Variants in PRMT8 observed in about 807,000 individuals in gnomAD.
The protein encoded by PRMT8 is protein arginine methyltransferase 8.
In PRMT8, 7 loss-of-function variants were observed where a neutral mutation model predicts 47.1. The ratio of observed to expected loss-of-function variants is 0.15; its 90% CI spans 0.08 to 0.28. The LOEUF (loss-of-function observed/expected upper bound fraction) is 0.28. Among genes scored for constraint, PRMT8 ranks in the 10% least tolerant of loss-of-function variants. The probability of loss-of-function intolerance (pLI) is 1.00; values close to 1 mark genes in which losing one functional copy is unlikely to be tolerated. For missense variants in PRMT8, 237 were observed against 505.4 expected (o/e 0.47, Z 5.09); for synonymous variants, 188 against 186.5 (o/e 1.01, Z -0.07).
intron 1 of PRMT8, among the ~76,000 whole-genome samples, chr12:3,393,168 G>C (rs1347689923): frequency 1.3e-5 from 2 of 152,118 alleles, no homozygotes; most frequent in Non-Finnish European, 2.9e-5. Context: ...TAGGTTGCCT[G>C]TTCACTCTGA....
intron 1 of PRMT8, among the ~76,000 whole-genome samples, chr12:3,392,117 G>A (rs1169272764): frequency 6.6e-6 from 1 of 152,240 alleles, no homozygotes; most frequent in East Asian, 1.9e-4. Context: ...TGGCATCAGA[G>A]GCCAGAATTA....
chr12:3,497,822 C>T (rs1299193359), intron 1 of PRMT8, among the ~76,000 whole-genome samples: 6 of 152,110 alleles, frequency 3.9e-5, no homozygotes, highest in South Asian at 4.1e-4. Context: ...GCTTGATGTG[C>T]GTATTTTCAT....
At position 3,491,293 on chromosome 12, in the gene PRMT8, A is replaced by C. The variant is rs2137110065; in HGVS notation, c.-333A>C. 1 of 1,126,048 alleles carries C rather than the reference A, an allele frequency of 8.9e-7. No individual in the cohort carries two copies. The highest frequency in any genetic ancestry group is 1.1e-6 in the Non-Finnish European group (1 of 918,376). 69.8% of individuals were successfully genotyped at this position (1,126,048 alleles called of 1,614,324 possible). ...GCGAGCAGCCTGGAGAGGATCCGCG[A>C]CCGCCGCCGCCGCCGCCGCGGAGGC... On this transcript the variant is annotated 5_prime_UTR_variant, in exon 1 of 10. Coordinates refer to ENST00000382622, the MANE Select transcript of PRMT8 (RefSeq NM_019854.5).
At chr12:3,478,990 G>C (rs1026231242) in intron 1 of PRMT8, among the ~76,000 whole-genome samples, 1 of 152,232 alleles carries the variant, frequency 6.6e-6, no homozygotes, top group Non-Finnish European at 1.5e-5. Context: ...AAGCTTCCTG[G>C]GTAGGTGTGA....
At chr12:3,487,877 C>T (rs936740093), upstream of PRMT8, among the ~76,000 whole-genome samples, 2 of 152,092 alleles carry the variant, frequency 1.3e-5, no homozygotes, top group African/African-American at 4.8e-5. Context: ...CATCACTGTC[C>T]CTTAGAATTA....
chr12:3,536,947 T>C (rs1866128338), intron 1 of PRMT8, among the ~76,000 whole-genome samples: 1 of 152,246 alleles, frequency 6.6e-6, no homozygotes, highest in Non-Finnish European at 1.5e-5. Flanking sequence ...CTTTTGTCAC[T>C]AAGGACAGCA....
intron 1 of PRMT8, among the ~76,000 whole-genome samples, chr12:3,402,159 C>T (rs1864324519): frequency 6.6e-6 from 1 of 152,126 alleles, no homozygotes. Context: ...GAATAGAGAT[C>T]TCAGAAATAA....
chr12:3,576,909 C>T lies in PRMT8; in HGVS notation c.751C>T (p.Arg251Trp). The change falls in exon 7 of 10, where the codon CGG becomes TGG. Residue 251 changes from arginine to tryptophan, a missense_variant. Transcript: ENST00000382622. This position sits in a 1 kb window ranked among gnomAD's most constrained non-coding sequence, Gnocchi z 4.0. The part of the protein sequence containing the change: ...NVYGFDMTCI[R>W]DVAMKEPLVD... ...CTATGGCTTTGACATGACCTGCATC[C>T]GGGACGTGGCCATGAAGGAGCCTCT... 6.2e-7 allele frequency: 1 copy of T among 1,614,118 alleles called. No individual in the cohort carries two copies. Among genetic ancestry groups the T allele is most frequent in the Non-Finnish European group, 8.5e-7 (1 of 1,180,010 alleles).
chr12:3,469,695 G>A (rs1390059380), intron 1 of PRMT8, among the ~76,000 whole-genome samples: 1 of 152,164 alleles, frequency 6.6e-6, no homozygotes, highest in Non-Finnish European at 1.5e-5. Context: ...TTAAAAGGGT[G>A]ATTTTTATGA....
chr12:3,452,599 T>C (rs1864931661), intron 1 of PRMT8, among the ~76,000 whole-genome samples: 1 of 152,208 alleles, frequency 6.6e-6, no homozygotes, highest in Admixed American at 6.5e-5. Flanking sequence ...TTGTGGTAAC[T>C]AACAGCCTCA....
At chr12:3,475,860 C>T (rs765310916) in intron 1 of PRMT8, among the ~76,000 whole-genome samples, 1 of 152,212 alleles carries the variant, frequency 6.6e-6, no homozygotes, top group Non-Finnish European at 1.5e-5. Flanking sequence ...TCTTCTACAT[C>T]CTGTGGGTGT....
At position 3,468,342 on chromosome 12, in the gene PRMT8, T is replaced by TCGGCCAGGAGGAGGAGGAGGAGGA. The variant is rs1865124553; in HGVS notation, c.49-72264_49-72263insCGGCCAGGAGGAGGAGGAGGAGGA. On this transcript the variant is annotated intron_variant, in intron 1 of 9. Transcript: ENST00000452611. Reference sequence around the variant, plus strand: ...CCATCGGCCAGGAGGAGGAGATGTTTGATAGTTCTGCGATGTGCACAGAGA... The same window carrying TCGGCCAGGAGGAGGAGGAGGAGGA: ...CCATCGGCCAGGAGGAGGAGATGTTTCGGCCAGGAGGAGGAGGAGGAGGAGATAGTTCTGCGATGTGCACAGAGA... Among the ~76,000 whole-genome samples the TCGGCCAGGAGGAGGAGGAGGAGGA allele has an allele frequency of 2.0e-5, 3 of 152,336 alleles. No individual in the cohort carries two copies. In the East Asian group the frequency reaches 5.8e-4, roughly 29 times the overall value.
At chr12:3,526,392 T>C (rs1376001317) in intron 1 of PRMT8, among the ~76,000 whole-genome samples, 3 of 152,214 alleles carry the variant, frequency 2.0e-5, no homozygotes, top group African/African-American at 7.2e-5. Flanking sequence ...AATGGAATTA[T>C]GGGATCACAT....
intron 5 of PRMT8, 23 bp downstream of exon 5, chr12:3,568,871 C>T (rs1411861612): frequency 1.9e-6 from 3 of 1,613,158 alleles, no homozygotes; most frequent in Non-Finnish European, 2.5e-6. Flanking sequence ...CATGCTGTCC[C>T]CGCGTTGGCC....
At position 3,527,941 on chromosome 12, in the gene PRMT8, T is replaced by G. The variant is rs559773774; in HGVS notation, c.76-12665T>G. ...ATTCTAAGTTGACAGTTTTTTCTTT[T>G]ATCTTTTTGGTCCTCTGAAGATGTT... On this transcript the variant is annotated intron_variant, in intron 1 of 9. Transcript: ENST00000382622. Among the ~76,000 whole-genome samples the G allele has an allele frequency of 2.4e-4, 36 of 152,316 alleles. No homozygotes were observed. The South Asian group carries it at 7.0e-3, about 30-fold the overall frequency.
At chr12:3,470,087 G>A (rs1865143656) in intron 1 of PRMT8, among the ~76,000 whole-genome samples, 1 of 152,192 alleles carries the variant, frequency 6.6e-6, no homozygotes, top group African/African-American at 2.4e-5. Flanking sequence ...TTATAAGAAG[G>A]CAGAGGAGCG....
intron 4 of PRMT8, among the ~76,000 whole-genome samples, chr12:3,561,512 G>T (rs189419953): frequency 6.6e-6 from 1 of 152,314 alleles, no homozygotes; most frequent in East Asian, 1.9e-4. Context: ...CCCTGCAGAT[G>T]ATCACTCTCC....
At chr12:3,482,913 G>A (rs553775512) in intron 1 of PRMT8, among the ~76,000 whole-genome samples, 2 of 152,268 alleles carry the variant, frequency 1.3e-5, no homozygotes, top group East Asian at 3.9e-4. Context: ...GTTGAGCAAC[G>A]TGTCCAAGAT....
At chr12:3,523,026 A>G (rs1196605076) in intron 1 of PRMT8, among the ~76,000 whole-genome samples, 1 of 152,104 alleles carries the variant, frequency 6.6e-6, no homozygotes, top group Non-Finnish European at 1.5e-5. Context: ...AATCCCATCA[A>G]ACTAATAGTC....
Sources: gnomAD v4.1 joint callset for allele counts (sites outside exome capture counted in the v4.1 genomes callset) on GRCh38, gnomAD v4.1.1 for gene constraint, Gnocchi (gnomAD v3.1) non-coding constraint, MANE v1.5 for transcripts, NCBI Gene and HGNC (gene_info 2026-07-23, HGNC 2026-07-21) for gene names.